Variants in MARCHF1 observed in about 807,000 individuals in gnomAD.
MARCHF1 encodes membrane associated ring-CH-type finger 1, also known as E3 ubiquitin-protein ligase MARCHF1.
A neutral mutation model predicts 54.2 loss-of-function variants in MARCHF1; 40 were observed. That is an observed-to-expected ratio of 0.74 (90% CI 0.57 to 0.96). The LOEUF (loss-of-function observed/expected upper bound fraction) is 0.96. MARCHF1 is among the 40% of genes least tolerant of loss of function. The pLI is 0.00. For missense variants in MARCHF1, 586 were observed against 656.5 expected (o/e 0.89, Z 1.17); for synonymous variants, 236 against 236.3 (o/e 1.00, Z 0.01).
chr4:163,628,081 T>A (rs1741936011), intron 5 of MARCHF1, among the ~76,000 whole-genome samples: 1 of 152,092 alleles, frequency 6.6e-6, no homozygotes, highest in African/African-American at 2.4e-5. Flanking sequence ...GTTGATAAAT[T>A]AGACAATATA....
chr4:163,747,939 C>G (rs1047365955), intron 4 of MARCHF1, among the ~76,000 whole-genome samples: 1 of 152,138 alleles, frequency 6.6e-6, no homozygotes, highest in Non-Finnish European at 1.5e-5. Context: ...AGAGCAGCCC[C>G]GAGAAGCTGG....
intron 7 of MARCHF1, among the ~76,000 whole-genome samples, chr4:163,597,146 C>T (rs571015254): frequency 2.6e-5 from 4 of 152,048 alleles, no homozygotes; most frequent in Admixed American, 6.5e-5. Flanking sequence ...TTTGGAGAGA[C>T]GCGGTTTCGC....
At chr4:164,370,135 G>A (rs1163333793) in intron 1 of MARCHF1, among the ~76,000 whole-genome samples, 2 of 152,162 alleles carry the variant, frequency 1.3e-5, no homozygotes, top group Non-Finnish European at 2.9e-5. Flanking sequence ...AAAAATGACA[G>A]CTGTCTCAAA....
chr4:164,305,068 A>C (rs1013811659), intron 1 of MARCHF1, among the ~76,000 whole-genome samples: 3 of 152,114 alleles, frequency 2.0e-5, no homozygotes, highest in African/African-American at 7.2e-5. Context: ...TACTGGACCC[A>C]CTCAGTCATC....
intron 1 of MARCHF1, among the ~76,000 whole-genome samples, chr4:164,285,353 C>T (rs1734116557): frequency 6.6e-6 from 1 of 152,078 alleles, no homozygotes; most frequent in South Asian, 2.1e-4. Flanking sequence ...TATGATTCTG[C>T]CTGCAAATAG....
At chr4:164,044,355 G>A (rs1291965437) in intron 2 of MARCHF1, among the ~76,000 whole-genome samples, 4 of 152,078 alleles carry the variant, frequency 2.6e-5, no homozygotes, top group East Asian at 1.9e-4. Context: ...AAGGGCAAAC[G>A]GGAAGATATC....
chr4:163,587,838 C>CT (rs906397750), intron 7 of MARCHF1, among the ~76,000 whole-genome samples: 9 of 150,008 alleles, frequency 6.0e-5, no homozygotes, highest in African/African-American at 2.3e-4. Flanking sequence ...TACATAATTG[C>CT]TTTTTTTGAG....
At chr4:164,377,580 T>C (rs1470391859) in intron 1 of MARCHF1, among the ~76,000 whole-genome samples, 2 of 138,468 alleles carry the variant, frequency 1.4e-5, no homozygotes, top group East Asian at 4.5e-4. Flanking sequence ...GAAAGGAGCC[T>C]TACTTTTTAT....
chr4:163,868,597 A>G (rs996437382), intron 3 of MARCHF1, among the ~76,000 whole-genome samples: 4 of 151,962 alleles, frequency 2.6e-5, no homozygotes, highest in African/African-American at 9.7e-5. Context: ...ATATATCTAT[A>G]TATACCCATA....
At chr4:163,800,647 C>T (rs934607383) in intron 4 of MARCHF1, among the ~76,000 whole-genome samples, 3 of 151,996 alleles carry the variant, frequency 2.0e-5, no homozygotes, top group African/African-American at 4.8e-5. Context: ...CTTTTCACTA[C>T]GTTTAAGCAA....
At chr4:163,572,335 A>T (rs1472729887) in intron 8 of MARCHF1, among the ~76,000 whole-genome samples, 5 of 120,974 alleles carry the variant, frequency 4.1e-5, no homozygotes, top group Non-Finnish European at 3.5e-5. Context: ...TTTTTTTTTT[A>T]AATAAATTGA....
At chr4:163,756,371 G>C (rs1365973386) in intron 4 of MARCHF1, among the ~76,000 whole-genome samples, 1 of 152,044 alleles carries the variant, frequency 6.6e-6, no homozygotes, top group Non-Finnish European at 1.5e-5. Context: ...GCTCATGCCT[G>C]TAATCCCAGC....
intron 4 of MARCHF1, among the ~76,000 whole-genome samples, chr4:163,786,570 G>T (rs1042189770): frequency 2.0e-5 from 3 of 151,836 alleles, no homozygotes; most frequent in Admixed American, 1.3e-4. Flanking sequence ...TAAATATTTG[G>T]TGTTCATAAA....
intron 4 of MARCHF1, among the ~76,000 whole-genome samples, chr4:163,840,020 T>A (rs1277803804): frequency 6.6e-6 from 1 of 152,092 alleles, no homozygotes; most frequent in Non-Finnish European, 1.5e-5. Context: ...TATTTGAACA[T>A]AAAAGATGAC....
intron 3 of MARCHF1, among the ~76,000 whole-genome samples, chr4:163,912,982 A>G (rs1751227875): frequency 6.6e-6 from 1 of 152,240 alleles, no homozygotes; most frequent in African/African-American, 2.4e-5. Context: ...TAGATAAATG[A>G]CACATTATAA....
chr4:164,354,396 A>G lies in MARCHF1; in HGVS notation c.-323+29474T>C, dbSNP rs1357346312. ...ACTGGAAAACCGAATCCAGCAGCAC[A>G]TCAAAAAGCTTATCCACCATGATCA... On this transcript the variant is annotated intron_variant, in intron 1 of 9. Transcript: ENST00000514618. Among the ~76,000 whole-genome samples the G allele has an allele frequency of 2.2e-5, 3 of 136,740 alleles. 1 individual carries two copies. The highest frequency in any genetic ancestry group is 7.2e-5 in the Admixed American group (1 of 13,798). The allele number at this position is 136,740 out of a possible 152,430, so 89.7% of individuals were successfully genotyped here. A position where few individuals can be genotyped will look rare whatever the true frequency, so the allele number is the denominator to read the frequency against.
intron 3 of MARCHF1, among the ~76,000 whole-genome samples, chr4:163,987,808 A>G (rs1752899153): frequency 6.6e-6 from 1 of 152,226 alleles, no homozygotes; most frequent in African/African-American, 2.4e-5. Flanking sequence ...AGTTTCCAGC[A>G]TATGATCTTT....
intron 8 of MARCHF1, among the ~76,000 whole-genome samples, chr4:163,577,563 G>A (rs1238477031): frequency 1.3e-5 from 2 of 151,962 alleles, no homozygotes; most frequent in Non-Finnish European, 2.9e-5. Context: ...ATGCCTCAGT[G>A]ATATTCATTT....
chr4:163,676,762 T>C (rs185255046), intron 5 of MARCHF1, among the ~76,000 whole-genome samples: 30 of 150,246 alleles, frequency 2.0e-4, no homozygotes, highest in African/African-American at 7.1e-4. Context: ...CAAAAAGAAA[T>C]AATAAATAAA....
Sources: gnomAD v4.1 joint callset for allele counts (sites outside exome capture counted in the v4.1 genomes callset) on GRCh38, gnomAD v4.1.1 for gene constraint, MANE v1.5 for transcripts, NCBI Gene and HGNC (gene_info 2026-07-23, HGNC 2026-07-21) for gene names.